Variants in CLIP1 observed in about 807,000 individuals in gnomAD.
CLIP1 encodes the protein CAP-Gly domain containing linker protein 1.
In CLIP1, 66 loss-of-function variants were observed where a neutral mutation model predicts 161.6. That is an observed-to-expected ratio of 0.41 (90% CI 0.33 to 0.50). CLIP1 has a LOEUF of 0.50. Among genes scored for constraint, CLIP1 ranks in the 20% least tolerant of loss-of-function variants. CLIP1 has a pLI of 0.27. For synonymous variants in CLIP1, 598 were observed against 626.2 expected, an observed-to-expected ratio of 0.96 and a Z score of 0.67; for missense variants, 1,376 against 1,702.0, an observed-to-expected ratio of 0.81 and a Z score of 3.37.
At chr12:122,278,754 C>T (rs778417215) in intron 23 of CLIP1, 38 bp downstream of exon 23, 7 of 1,532,210 alleles carry the variant, frequency 4.6e-6, no homozygotes, top group Middle Eastern at 4.9e-4. Flanking sequence ...CGGGAGGACG[C>T]GGGGTGTACA....
chr12:122,393,171 T>G (rs1478791846), intron 1 of CLIP1, among the ~76,000 whole-genome samples: 4 of 151,536 alleles, frequency 2.6e-5, no homozygotes, highest in South Asian at 4.2e-4. Flanking sequence ...ATCTTGTTTT[T>G]TTTTTTTTTT....
intron 5 of CLIP1, among the ~76,000 whole-genome samples, chr12:122,359,257 G>A (rs1953657826): frequency 6.6e-6 from 1 of 152,146 alleles, no homozygotes; most frequent in Non-Finnish European, 1.5e-5. Context: ...TGTCTCACAG[G>A]TACAGAAACT....
chr12:122,353,699 C>T (rs977575579), intron 7 of CLIP1, among the ~76,000 whole-genome samples: 49 of 152,050 alleles, frequency 3.2e-4, no homozygotes, highest in African/African-American at 1.0e-3. Flanking sequence ...GGCGCGATCT[C>T]GGCTCACTGC....
intron 11 of CLIP1, among the ~76,000 whole-genome samples, chr12:122,338,824 A>G (rs531114273): frequency 6.6e-6 from 1 of 152,226 alleles, no homozygotes; most frequent in Non-Finnish European, 1.5e-5. Flanking sequence ...GCTAAATATT[A>G]TCTTCTAATT....
intron 1 of CLIP1, among the ~76,000 whole-genome samples, chr12:122,391,777 T>C (rs1366241868): frequency 2.6e-5 from 4 of 152,186 alleles, no homozygotes; most frequent in African/African-American, 4.8e-5. Context: ...GATACTGTCA[T>C]AGCCTCAATG....
Position 122,279,243 on chromosome 12 carries a change from T to TA in CLIP1, c.3648-99dup, listed in dbSNP as rs5801472. ...AACACATAATTAATGTTAGTTAATG[T>TA]AAAAAAAAAAATATAACAGGGAAGT... On this transcript the variant is annotated intron_variant, in intron 21 of 25. Transcript: ENST00000620786. The surrounding 1 kb of genome is among the most constrained non-coding windows in gnomAD (Gnocchi z 4.5). The TA allele has an allele frequency of 0.084, 52,162 of 623,118 alleles. 1,363 individuals are homozygous for TA. The highest frequency in any genetic ancestry group is 0.21 in the African/African-American group (11,011 of 51,640). The allele number at this position is 623,118 out of a possible 1,614,324, so 38.6% of individuals were successfully genotyped here. A position where few individuals can be genotyped will look rare whatever the true frequency, so the allele number is the denominator to read the frequency against.
intron 3 of CLIP1, chr12:122,365,028 T>C: frequency 2.5e-6 from 1 of 401,620 alleles, no homozygotes; most frequent in South Asian, 2.2e-5. Context: ...AGGTGGGAAT[T>C]GAACAATGAG....
At chr12:122,338,195 A>C (rs1346286709) in intron 11 of CLIP1, among the ~76,000 whole-genome samples, 1 of 151,822 alleles carries the variant, frequency 6.6e-6, no homozygotes, top group Non-Finnish European at 1.5e-5. Flanking sequence ...AAAATTAGCC[A>C]GGCGTGGTGG....
At chr12:122,390,259 TACAC>T (rs1174521187) in intron 1 of CLIP1, among the ~76,000 whole-genome samples, 1 of 96,632 alleles carries the variant, frequency 1.0e-5, no homozygotes, top group East Asian at 4.6e-4. Context: ...TACACATATA[TACAC>T]ACACATATAT....
upstream of CLIP1, chr12:122,422,744 CCCCT>C (rs1566260402): frequency 1.5e-4 from 20 of 137,140 alleles, no homozygotes; most frequent in South Asian, 6.4e-4. Flanking sequence ...GCCGGCCCGG[CCCCT>C]CGAGTCCGCA....
chr12:122,325,019 T>C (rs1019541309), intron 17 of CLIP1, among the ~76,000 whole-genome samples: 2 of 152,060 alleles, frequency 1.3e-5, no homozygotes, highest in African/African-American at 2.4e-5. Context: ...ACAGTGTCTA[T>C]ACCAGTGCTA....
At chr12:122,305,771 A>G (rs1380654017) in intron 20 of CLIP1, among the ~76,000 whole-genome samples, 1 of 152,030 alleles carries the variant, frequency 6.6e-6, no homozygotes, top group Non-Finnish European at 1.5e-5. Context: ...TGACCAGAAT[A>G]AAAAGCAGTC....
At chr12:122,391,785 A>G (rs774319991) in intron 1 of CLIP1, among the ~76,000 whole-genome samples, 3 of 152,196 alleles carry the variant, frequency 2.0e-5, no homozygotes, top group Admixed American at 6.5e-5. Context: ...CATAGCCTCA[A>G]TGCCTGGAAA....
chr12:122,305,677 A>C (rs1195597450), intron 20 of CLIP1, among the ~76,000 whole-genome samples: 2 of 152,142 alleles, frequency 1.3e-5, no homozygotes, highest in East Asian at 3.9e-4. Context: ...GTGTTGCTAA[A>C]GGAAATTTCA....
intron 21 of CLIP1, among the ~76,000 whole-genome samples, chr12:122,286,577 C>G (rs115880038): frequency 0.014 from 2,075 of 144,438 alleles, 63 homozygotes; most frequent in African/African-American, 0.05. Flanking sequence ...ATCAGGGGCA[C>G]GGCAGTGGTG....
rs1349734625 is a variant in CLIP1, at chr12:122,352,708, G to A, written c.1368+18C>T. ...ACTGATACCCATAAAAGCTGTAAGA[G>A]AGCTGGAGGGGTTTTACCTCAAGAT... On this transcript the variant is annotated intron_variant, in intron 8 of 25. Transcript: ENST00000620786. The A allele has an allele frequency of 2.5e-6, 4 of 1,607,784 alleles. No homozygotes were observed. In the South Asian group the frequency reaches 4.4e-5, roughly 18 times the overall value.
chr12:122,422,729 G>GCCGA (rs775755927), upstream of CLIP1: 1 of 136,138 alleles, frequency 7.3e-6, no homozygotes, highest in Non-Finnish European at 1.6e-5. Flanking sequence ...CGCCCGGCCG[G>GCCGA]CCCGGCCGGC....
intron 1 of CLIP1, among the ~76,000 whole-genome samples, chr12:122,384,634 G>A (rs1327514820): frequency 2.6e-5 from 4 of 151,876 alleles, no homozygotes; most frequent in South Asian, 2.1e-4. Context: ...GGTGGCGGGC[G>A]CTTGTAATCC....
At chr12:122,299,612 CAAAAAA>C (rs71082962) in intron 20 of CLIP1, among the ~76,000 whole-genome samples, 6 of 62,500 alleles carry the variant, frequency 9.6e-5, no homozygotes, top group East Asian at 1.2e-3. Context: ...ATAAATTCAG[CAAAAAA>C]AAAAAAAAAA....
Sources: gnomAD v4.1 joint callset for allele counts (sites outside exome capture counted in the v4.1 genomes callset) on GRCh38, gnomAD v4.1.1 for gene constraint, Gnocchi (gnomAD v3.1) non-coding constraint, MANE v1.5 for transcripts, NCBI Gene and HGNC (gene_info 2026-07-23, HGNC 2026-07-21) for gene names.